The following COL9A2 variants were observed in gnomAD, a reference collection of about 807,000 sequenced individuals.
COL9A2 encodes the protein collagen alpha-2(IX) chain.
COL9A2 carries 66 observed loss-of-function variants against 111.6 expected under a neutral mutation model. The ratio of observed to expected loss-of-function variants is 0.59; its 90% CI spans 0.48 to 0.73. The LOEUF (loss-of-function observed/expected upper bound fraction) is 0.73. Ranked by LOEUF, COL9A2 falls within the 30% of genes least tolerant of loss-of-function variation. COL9A2 has a pLI of 0.00. For missense variants in COL9A2, 881 were observed against 954.1 expected (o/e 0.92, Z 1.01); for synonymous variants, 353 against 364.1 (o/e 0.97, Z 0.35).
At position 40,304,851 on chromosome 1, in the gene COL9A2, G is replaced by A. The variant is rs770683202; in HGVS notation, c.1108-4C>T. 18 of 1,549,754 alleles carry A rather than the reference G, an allele frequency of 1.2e-5. No individual in the cohort carries two copies. Among genetic ancestry groups the A allele is most frequent in the Non-Finnish European group, 1.5e-5 (17 of 1,146,896 alleles). Reference sequence around the variant, plus strand: ...CTCCTCGAGGCCCTGGCTCTCCCTGGAGGAAGGAGAAATTGGGGCTAAGCG... The same window carrying A: ...CTCCTCGAGGCCCTGGCTCTCCCTGAAGGAAGGAGAAATTGGGGCTAAGCG... On this transcript the variant is annotated splice_region_variant and splice_polypyrimidine_tract_variant and intron_variant, in intron 21 of 31. Coordinates refer to ENST00000372748, the MANE Select transcript of COL9A2 (RefSeq NM_001852.4).
Position 40,314,110 on chromosome 1 carries a change from C to T in COL9A2, c.249+95G>A. On this transcript the variant is annotated intron_variant, in intron 4 of 31. Coordinates refer to ENST00000372748, the MANE Select transcript of COL9A2 (RefSeq NM_001852.4). The surrounding 1 kb of genome is among the most constrained non-coding windows in gnomAD (Gnocchi z 4.1). ...AGCTGGAGAATCTCCATCCTGCTGC[C>T]CATCTCTGAACAGATCAGTGAAGAT... is the stretch of plus-strand genomic sequence containing the variant. The T allele has an allele frequency of 1.5e-6, 2 of 1,305,202 alleles. No homozygotes were observed. The highest frequency in any genetic ancestry group is 2.5e-4 in the Middle Eastern group (1 of 3,960). The allele number at this position is 1,305,202 out of a possible 1,614,324, so 80.9% of individuals were successfully genotyped here.
rs765888901 is a variant in COL9A2 at position 40,312,060 on chromosome 1, T to C, written c.416A>G (p.Lys139Arg). The change falls in exon 8 of 32, where the codon AAG (lysine) becomes AGG (arginine). Residue 139 changes from lysine to arginine, a missense_variant and splice_region_variant. Physicochemically the swap from Lys to Arg is conservative, Grantham distance 26. Transcript: ENST00000372748. This position sits in a 1 kb window ranked among gnomAD's most constrained non-coding sequence, Gnocchi z 6.0. ...GAACAGAGGGTGGCTGAGGCTCACC[T>C]TGGGGCCTCGGATTCCAATCTCACC... ...LPGEIGIRGP[K>R]GDPGPDGPSG... The C allele has an allele frequency of 6.3e-7, 1 of 1,599,656 alleles. No individual in the cohort carries two copies. Among genetic ancestry groups the C allele is most frequent in the Non-Finnish European group, 8.5e-7 (1 of 1,174,812 alleles).
rs1220746504 is a variant in COL9A2 at position 40,316,630 on chromosome 1, C to T, written c.75+493G>A. The T allele has an allele frequency of 6.6e-6, 3 of 452,852 alleles. No homozygotes were observed. The highest frequency in any genetic ancestry group is 2.0e-5 in the African/African-American group (1 of 48,986). 28.1% of individuals were successfully genotyped at this position (452,852 alleles called of 1,614,324 possible). ...CTCGAAACCACACCCAGCACCCGAC[C>T]GGGCCCAGTCTCTGCCCTACCCGCG... On this transcript the variant is annotated intron_variant, in intron 1 of 31. Transcript: ENST00000372748. This position sits in a 1 kb window ranked among gnomAD's most constrained non-coding sequence, Gnocchi z 5.5.
intron 21 of COL9A2, 109 bp from the exon 22 acceptor site, chr1:40,304,956 G>T: frequency 1.1e-6 from 1 of 928,756 alleles, no homozygotes; most frequent in Non-Finnish European, 1.6e-6. Flanking sequence ...CTTCATCAGG[G>T]AAGGTTTCCC....
In COL9A2 at chr1:40,310,804, G is replaced by A. The variant is rs898407174; in HGVS notation, c.631-37C>T. On this transcript the variant is annotated intron_variant, in intron 12 of 31. Transcript: ENST00000372748. This position sits in a 1 kb window ranked among gnomAD's most constrained non-coding sequence, Gnocchi z 4.9. ...GGATGAGCTGTCAGACAGGCAGGCA[G>A]ATGGAAAGACACATATACAGACAAG... The A allele has an allele frequency of 1.0e-5, 16 of 1,524,072 alleles. No homozygotes were observed. The Admixed American group carries it at 1.2e-4, about 11-fold the overall frequency. 94.4% of individuals were successfully genotyped at this position (1,524,072 alleles called of 1,614,324 possible).
chr1:40,302,590 GC>G lies in COL9A2; in HGVS notation c.1792+30del. 6.3e-7 allele frequency: 1 copy of G among 1,574,888 alleles called. No individual in the cohort carries two copies. Among genetic ancestry groups the G allele is most frequent in the Non-Finnish European group, 8.6e-7 (1 of 1,163,634 alleles). On this transcript the variant is annotated intron_variant, in intron 30 of 31. Coordinates refer to ENST00000372748, the MANE Select transcript of COL9A2 (RefSeq NM_001852.4). The surrounding 1 kb of genome is among the most constrained non-coding windows in gnomAD (Gnocchi z 4.5). ...GGCCTGGACAAATCCTCACTGCCTG[GC>G]CCCCATGCCCACCGCAGAGGAGCAC...
In COL9A2 at chr1:40,314,374, G is replaced by C; in HGVS notation, c.164C>G (p.Pro55Arg). ...CACCGGAGGGCCAGCTTTTCCAGGG[G>C]GCCCATTGTCACCCTGCAAGATACA... ...GSDGIDGDNG[P>R]PGKAGPPGPK... Residue 55 changes from proline to arginine, a missense_variant, in exon 3 of 32, where the codon CCC (proline) becomes CGC (arginine). Pro to Arg is a moderately radical substitution (Grantham distance 103). Transcript: ENST00000372748. This position sits in a 1 kb window ranked among gnomAD's most constrained non-coding sequence, Gnocchi z 4.1. 6.2e-7 allele frequency: 1 copy of C among 1,614,110 alleles called. No homozygotes were observed. The highest frequency in any genetic ancestry group is 2.2e-5 in the East Asian group (1 of 44,884).
At position 40,301,053 on chromosome 1, in the gene COL9A2, A is replaced by C; in HGVS notation, c.*129T>G. Reference sequence around the variant, plus strand: ...TGTTTTAGAATTCCTTTTCCTTAGGACTCCTGAGTCCCAGACAGAAGGTCC... The same window carrying C: ...TGTTTTAGAATTCCTTTTCCTTAGGCCTCCTGAGTCCCAGACAGAAGGTCC... On this transcript the variant is annotated 3_prime_UTR_variant, in exon 32 of 32. Transcript: ENST00000372748. The C allele has an allele frequency of 1.1e-6, 1 of 940,222 alleles. No homozygotes were observed. The allele number at this position is 940,222 out of a possible 1,614,324, so 58.2% of individuals were successfully genotyped here.
At chr1:40,309,912 T>C (rs368172318) in intron 16 of COL9A2, 26 bp downstream of exon 16, 5 of 1,612,740 alleles carry the variant, frequency 3.1e-6, no homozygotes, top group Non-Finnish European at 4.2e-6. Context: ...GGGTCCTGAC[T>C]GAACAATGGG....
chr1:40,303,272 G>T lies in COL9A2; in HGVS notation c.1549-87C>A. The T allele has an allele frequency of 7.4e-7, 1 of 1,356,412 alleles. No homozygotes were observed. The highest frequency in any genetic ancestry group is 1.0e-6 in the Non-Finnish European group (1 of 967,588). The allele number at this position is 1,356,412 out of a possible 1,614,324, so 84.0% of individuals were successfully genotyped here. On this transcript the variant is annotated intron_variant, in intron 28 of 31. Coordinates refer to ENST00000372748, the MANE Select transcript of COL9A2 (RefSeq NM_001852.4). This position sits in a 1 kb window ranked among gnomAD's most constrained non-coding sequence, Gnocchi z 4.6. ...ACCTGGCTGAGCGTGAGGCCGCCAT[G>T]GAGGAGACTCTGGTGTTGAGTCATT...
Position 40,300,900 on chromosome 1 carries a change from C to T in COL9A2, c.*282G>A. On this transcript the variant is annotated 3_prime_UTR_variant, in exon 32 of 32. Coordinates refer to ENST00000372748, the MANE Select transcript of COL9A2 (RefSeq NM_001852.4). The surrounding 1 kb of genome is among the most constrained non-coding windows in gnomAD (Gnocchi z 4.4). ...CAGATTAAGATGTTTGTTTTGGTAA[C>T]AGCCGAATGATGCTCGCTGGAAGGA... 1 of 434,548 alleles carries T rather than the reference C, an allele frequency of 2.3e-6. No individual in the cohort carries two copies. The highest frequency in any genetic ancestry group is 4.2e-6 in the Non-Finnish European group (1 of 237,166). The allele number at this position is 434,548 out of a possible 1,614,324, so 26.9% of individuals were successfully genotyped here.
At position 40,303,020 on chromosome 1, in the gene COL9A2, G is replaced by T; in HGVS notation, c.1603+111C>A. 2 of 1,232,530 alleles carry T rather than the reference G, an allele frequency of 1.6e-6. No homozygotes were observed. Among genetic ancestry groups the T allele is most frequent in the Non-Finnish European group, 2.3e-6 (2 of 860,584 alleles). The allele number at this position is 1,232,530 out of a possible 1,614,324, so 76.3% of individuals were successfully genotyped here. A position where few individuals can be genotyped will look rare whatever the true frequency, so the allele number is the denominator to read the frequency against. ...CCCTTCAGAGACTGGACTGGAAGGA[G>T]CCCCCAGGACTCCAGATTTTCAGAC... On this transcript the variant is annotated intron_variant, in intron 29 of 31. Transcript: ENST00000372748. This position sits in a 1 kb window ranked among gnomAD's most constrained non-coding sequence, Gnocchi z 4.6.
At position 40,303,409 on chromosome 1, in the gene COL9A2, C is replaced by T; in HGVS notation, c.1548+121G>A. 1.4e-6 allele frequency: 2 copies of T among 1,426,278 alleles called. No individual in the cohort carries two copies. Among genetic ancestry groups the T allele is most frequent in the East Asian group, 4.9e-5 (2 of 40,760 alleles). 88.4% of individuals were successfully genotyped at this position (1,426,278 alleles called of 1,614,324 possible). ...CACAGCCTTCCTGTCTGCTCTGGGGCTTGGAACCAGTCTCGGGGAAGTCGG... is the reference window on the plus strand; with the variant it reads ...CACAGCCTTCCTGTCTGCTCTGGGGTTTGGAACCAGTCTCGGGGAAGTCGG... On this transcript the variant is annotated intron_variant, in intron 28 of 31. Coordinates refer to ENST00000372748, the MANE Select transcript of COL9A2 (RefSeq NM_001852.4). This position sits in a 1 kb window ranked among gnomAD's most constrained non-coding sequence, Gnocchi z 4.6.
chr1:40,305,704 G>T lies in COL9A2; in HGVS notation c.1107+11C>A, dbSNP rs1193494449. 1 of 1,613,576 alleles carries T rather than the reference G, an allele frequency of 6.2e-7. No individual in the cohort carries two copies. Among genetic ancestry groups the T allele is most frequent in the African/African-American group, 1.3e-5 (1 of 74,916 alleles). Reference sequence around the variant, plus strand: ...AGCAGGAACCCTTGTGTCAGTGCAGGGGGCATTTACCTCTTTCCCAGGGGG... The same window carrying T: ...AGCAGGAACCCTTGTGTCAGTGCAGTGGGCATTTACCTCTTTCCCAGGGGG... On this transcript the variant is annotated intron_variant, in intron 21 of 31. Transcript: ENST00000372748.
chr1:40,304,895 A>C (rs202186323), intron 21 of COL9A2, 48 bp from the exon 22 acceptor site: 30 of 1,500,930 alleles, frequency 2.0e-5, no homozygotes, highest in Non-Finnish European at 9.0e-7. Context: ...GGTGGAACCC[A>C]CCCTTCCACA....
At chr1:40,309,855 A>T in intron 16 of COL9A2, 83 bp downstream of exon 16, 1 of 1,375,986 alleles carries the variant, frequency 7.3e-7, no homozygotes, top group South Asian at 1.2e-5. Flanking sequence ...ATGCACTCTC[A>T]CACACACAGC....
In COL9A2 at chr1:40,302,752, A is replaced by G. The variant is rs1643934097; in HGVS notation, c.1661T>C (p.Met554Thr). ...AKREALGAVGMMGPPGPPGPP... is the reference protein window; with the variant it reads ...AKREALGAVGTMGPPGPPGPP... ...CCCAGGAGGTCCTGGAGGACCCATC[A>G]TGCCCACCGCACCCAGGGCTTCCCG... is the stretch of plus-strand genomic sequence containing the variant. The change falls in exon 30 of 32, where the codon ATG becomes ACG. Residue 554 changes from methionine (M) to threonine (T), a missense_variant. Coordinates refer to ENST00000372748, the MANE Select transcript of COL9A2 (RefSeq NM_001852.4). The surrounding 1 kb of genome is among the most constrained non-coding windows in gnomAD (Gnocchi z 4.5). The G allele has an allele frequency of 7.0e-7, 1 of 1,429,996 alleles. No homozygotes were observed. The highest frequency in any genetic ancestry group is 9.3e-7 in the Non-Finnish European group (1 of 1,070,196). The allele number at this position is 1,429,996 out of a possible 1,614,324, so 88.6% of individuals were successfully genotyped here.
intron 16 of COL9A2, among the ~76,000 whole-genome samples, chr1:40,309,732 C>G (rs754896287): frequency 3.3e-5 from 5 of 151,912 alleles, no homozygotes; most frequent in Non-Finnish European, 5.9e-5. Flanking sequence ...TACACACACT[C>G]ACAGACAGCC....
At position 40,303,290 on chromosome 1, in the gene COL9A2, G is replaced by A. The variant is rs536463386; in HGVS notation, c.1549-105C>T. ...CCGCCATGGAGGAGACTCTGGTGTTGAGTCATTAATTCCCAAGCTGAGGAA... is the reference window on the plus strand; with the variant it reads ...CCGCCATGGAGGAGACTCTGGTGTTAAGTCATTAATTCCCAAGCTGAGGAA... On this transcript the variant is annotated intron_variant, in intron 28 of 31. Coordinates refer to ENST00000372748, the MANE Select transcript of COL9A2 (RefSeq NM_001852.4). This position sits in a 1 kb window ranked among gnomAD's most constrained non-coding sequence, Gnocchi z 4.6. 2.8e-5 allele frequency: 35 copies of A among 1,256,138 alleles called. No individual in the cohort carries two copies. In the African/African-American group the frequency reaches 4.8e-4, roughly 17 times the overall value. The allele number at this position is 1,256,138 out of a possible 1,614,324, so 77.8% of individuals were successfully genotyped here.
Sources: gnomAD v4.1 joint callset for allele counts (sites outside exome capture counted in the v4.1 genomes callset) on GRCh38, gnomAD v4.1.1 for gene constraint, Gnocchi (gnomAD v3.1) non-coding constraint, MANE v1.5 for transcripts, NCBI Gene and HGNC (gene_info 2026-07-23, HGNC 2026-07-21) for gene names.